COL2A1: variants seen among roughly 807,000 people sequenced by gnomAD.
COL2A1 encodes the protein collagen alpha-1(II) chain.
In COL2A1, 28 loss-of-function variants were observed where a neutral mutation model predicts 204.5. The observed-to-expected ratio is 0.14, with a 90% confidence interval of 0.10 to 0.19. COL2A1 has a LOEUF of 0.19. Among genes scored for constraint, COL2A1 ranks in the 10% least tolerant of loss-of-function variants. COL2A1 has a pLI of 1.00. For missense variants in COL2A1, 1,388 were observed against 2,027.5 expected (o/e 0.68, Z 6.06); for synonymous variants, 708 against 718.7 (o/e 0.99, Z 0.24).
intron 35 of COL2A1, 30 bp from the exon 36 acceptor site, chr12:47,981,859 G>C: frequency 6.4e-7 from 1 of 1,553,194 alleles, no homozygotes; most frequent in South Asian, 1.2e-5. Context: ...AGGTGAGGGA[G>C]GCAGGCTGAG....
chr12:47,981,876 G>A (rs1364251560), intron 35 of COL2A1, 47 bp from the exon 36 acceptor site: 13 of 1,543,670 alleles, frequency 8.4e-6, no homozygotes, highest in East Asian at 2.4e-5. Context: ...TGAGCCAGCC[G>A]AGCACGTGCG....
chr12:47,994,718 G>A (rs949262404), intron 11 of COL2A1, among the ~76,000 whole-genome samples: 1 of 152,212 alleles, frequency 6.6e-6, no homozygotes, highest in Non-Finnish European at 1.5e-5. Context: ...AACTTCCCCT[G>A]AGAGGCTTTT....
In COL2A1 at chr12:47,983,692, A is replaced by G. The variant is rs1407294062; in HGVS notation, c.1986T>C (p.Ser662=). ...ERGEQGAPGP[S]GFQGLPGPPG... is the part of the protein sequence containing the mutation. ...TGGTCCAGCCACCTACCTGGAACCCAGATGGCCCAGGAGCACCCTGCTCGC... is the reference window on the plus strand; with the variant it reads ...TGGTCCAGCCACCTACCTGGAACCCGGATGGCCCAGGAGCACCCTGCTCGC... Residue 662 remains serine, a synonymous_variant, in exon 30 of 54, where the codon TCT becomes TCC. Transcript: ENST00000380518. 6.2e-7 allele frequency: 1 copy of G among 1,600,454 alleles called. No homozygotes were observed. The highest frequency in any genetic ancestry group is 8.5e-7 in the Non-Finnish European group (1 of 1,173,520).
chr12:48,003,656 A>G (rs1474041738), intron 1 of COL2A1, among the ~76,000 whole-genome samples: 3 of 152,146 alleles, frequency 2.0e-5, no homozygotes, highest in Non-Finnish European at 4.4e-5. Context: ...CAGAGGGCCT[A>G]TCGGAAGCCG....
At chr12:47,973,991 T>C in intron 53 of COL2A1, 98 bp downstream of exon 53, 2 of 1,570,242 alleles carry the variant, frequency 1.3e-6, no homozygotes, top group Non-Finnish European at 1.7e-6. Context: ...CTGATGATCC[T>C]GTCACTTTAG....
rs756687549 is a variant in COL2A1, at chr12:47,975,619, CAG to C, written c.3598-16_3598-15del. Reference sequence around the variant, plus strand: ...TCCAGGAGGACCCTGCAGCAGGAAACAGAGAGATCAGCCAGGATTGTGTGAAA... The same window carrying C: ...TCCAGGAGGACCCTGCAGCAGGAAACAGAGATCAGCCAGGATTGTGTGAAA... On this transcript the variant is annotated splice_polypyrimidine_tract_variant and intron_variant, in intron 50 of 53. Coordinates refer to ENST00000380518, the MANE Select transcript of COL2A1 (RefSeq NM_001844.5). 1 of 1,598,088 alleles carries C rather than the reference CAG, an allele frequency of 6.3e-7. No homozygotes were observed.
At chr12:47,975,716 GGGC>G in intron 50 of COL2A1, 111 bp from the exon 51 acceptor site, 1 of 1,233,090 alleles carries the variant, frequency 8.1e-7, no homozygotes, top group Non-Finnish European at 1.1e-6. Flanking sequence ...CCCATGGGTG[GGGC>G]GGAGGTGTAG....
intron 10 of COL2A1, 85 bp downstream of exon 10, chr12:47,995,625 G>A (rs756103349): frequency 4.5e-6 from 6 of 1,337,480 alleles, no homozygotes; most frequent in Non-Finnish European, 5.4e-6. Context: ...GCTGGGCAGA[G>A]CCTGGGAGGG....
chr12:47,995,688 A>T, intron 10 of COL2A1, 22 bp downstream of exon 10: 5 of 1,613,180 alleles, frequency 3.1e-6, no homozygotes, highest in Non-Finnish European at 4.2e-6. Flanking sequence ...CAGAGAAGGG[A>T]CAGGGCCGTG....
intron 11 of COL2A1, 82 bp from the exon 12 acceptor site, chr12:47,994,559 C>T (rs772142156): frequency 6.9e-7 from 1 of 1,439,066 alleles, no homozygotes; most frequent in South Asian, 1.2e-5. Context: ...TTCCCTCCTT[C>T]CAGCCCTCCA....
Position 48,004,280 on chromosome 12 carries a change from C to T in COL2A1, c.42G>A (p.Thr14=). 1.9e-6 allele frequency: 3 copies of T among 1,550,306 alleles called. No homozygotes were observed. Among genetic ancestry groups the T allele is most frequent in the Non-Finnish European group, 2.6e-6 (3 of 1,146,476 alleles). Residue 14 remains threonine (T), a synonymous_variant, in exon 1 of 54, where the codon ACG becomes ACA. Coordinates refer to ENST00000380518, the MANE Select transcript of COL2A1 (RefSeq NM_001844.5). ...ACCGAAGGACAGCGGCGACGAGCAGCGTCAGCAGCACCAGCGTCTGGGGAG... is the reference window on the plus strand; with the variant it reads ...ACCGAAGGACAGCGGCGACGAGCAGTGTCAGCAGCACCAGCGTCTGGGGAG... ...LGAPQTLVLL[T]LLVAAVLRCQ... is the part of the protein sequence containing the mutation.
intron 10 of COL2A1, among the ~76,000 whole-genome samples, 166 bp downstream of exon 10, chr12:47,995,544 G>C (rs1195490809): frequency 6.6e-6 from 1 of 152,180 alleles, no homozygotes; most frequent in Non-Finnish European, 1.5e-5. Flanking sequence ...ACATTGGGCT[G>C]TCTGTCAGAG....
intron 16 of COL2A1, among the ~76,000 whole-genome samples, chr12:47,991,133 C>T (rs77271335): frequency 0.016 from 2,494 of 152,346 alleles, 60 homozygotes; most frequent in African/African-American, 0.056. Context: ...CACAGCCCCT[C>T]TGGGCTGGCC....
intron 40 of COL2A1, 92 bp from the exon 41 acceptor site, chr12:47,979,656 G>A: frequency 1.1e-6 from 1 of 891,372 alleles, no homozygotes; most frequent in Non-Finnish European, 1.9e-6. Context: ...CTCAGAGCCT[G>A]GTATGGAAAG....
In COL2A1 at chr12:47,975,447, G is replaced by T. The variant is rs377079894; in HGVS notation, c.3756C>A (p.Asp1252Glu). ...ACTTGAGTGTGGCATCCACCTCGGCGTCATGCTGTCTCAGGCCACCGGCTG... is the reference window on the plus strand; with the variant it reads ...ACTTGAGTGTGGCATCCACCTCGGCTTCATGCTGTCTCAGGCCACCGGCTG... Reference protein sequence around the residue: ...DQAAGGLRQHDAEVDATLKSL... With the variant: ...DQAAGGLRQHEAEVDATLKSL... The change falls in exon 51 of 54, where the codon GAC becomes GAA. Residue 1252 changes from aspartate to glutamate, a missense_variant. Coordinates refer to ENST00000380518, the MANE Select transcript of COL2A1 (RefSeq NM_001844.5). The T allele has an allele frequency of 6.8e-6, 11 of 1,613,978 alleles. No individual in the cohort carries two copies. The highest frequency in any genetic ancestry group is 1.3e-5 in the African/African-American group (1 of 74,898).
intron 31 of COL2A1, 80 bp downstream of exon 31, chr12:47,983,305 C>T (rs1592212830): frequency 6.5e-7 from 1 of 1,538,338 alleles, no homozygotes; most frequent in East Asian, 2.3e-5. Flanking sequence ...CTCCTCATGC[C>T]CTCTTGCCCT....
chr12:47,999,634 ATTT>A (rs10708850), intron 2 of COL2A1: 9,188 of 155,688 alleles, frequency 0.059, 215 homozygotes, highest in Non-Finnish European at 0.079. Flanking sequence ...TTCAGAGAGG[ATTT>A]TTTTTTTTTT....
Position 47,984,110 on chromosome 12 carries a change from C to T in COL2A1, c.1918G>A (p.Ala640Thr), listed in dbSNP as rs1592214493. Residue 640 changes from alanine (A) to threonine (T), a missense_variant, in exon 29 of 54, where the codon GCT becomes ACT. By Grantham distance (58) the Ala-to-Thr change is moderately conservative (BLOSUM62 0). This residue lies in a region of COL2A1 where 884 missense variants were observed against 1,415.8 expected (regional missense o/e 0.62). Transcript: ENST00000380518. ...GLPGKDGETG[A>T]AGPPGPAGPA... ...ACAGCAGGGCCAGGGGGTCCTGCAGCACCTGTCTCACCATCTTTGCCAGGA... is the reference window on the plus strand; with the variant it reads ...ACAGCAGGGCCAGGGGGTCCTGCAGTACCTGTCTCACCATCTTTGCCAGGA... 6.2e-7 allele frequency: 1 copy of T among 1,613,532 alleles called. No individual in the cohort carries two copies. Among genetic ancestry groups the T allele is most frequent in the Non-Finnish European group, 8.5e-7 (1 of 1,179,846 alleles).
At chr12:47,982,030 C>T in intron 35 of COL2A1, 77 bp downstream of exon 35, 1 of 1,481,758 alleles carries the variant, frequency 6.7e-7, no homozygotes, top group Non-Finnish European at 9.4e-7. Flanking sequence ...GCAGACTGCC[C>T]AGCCCTCTCT....
Sources: gnomAD v4.1 joint callset for allele counts (sites outside exome capture counted in the v4.1 genomes callset) on GRCh38, gnomAD v4.1.1 for gene constraint, gnomAD v4.1.1 regional missense constraint, MANE v1.5 for transcripts, NCBI Gene and HGNC (gene_info 2026-07-23, HGNC 2026-07-21) for gene names.